Variants in ABCC1 observed in about 807,000 individuals in gnomAD.
The protein encoded by ABCC1 is ATP binding cassette subfamily C member 1 (ABCC1 blood group).
A neutral mutation model predicts 172.9 loss-of-function variants in ABCC1; 83 were observed. The ratio of observed to expected loss-of-function variants is 0.48; its 90% CI spans 0.40 to 0.58. The LOEUF (loss-of-function observed/expected upper bound fraction) is 0.58. Among genes scored for constraint, ABCC1 ranks in the 20% least tolerant of loss-of-function variants. The pLI is 0.00. For synonymous variants in ABCC1, 937 were observed against 825.2 expected (o/e 1.14, Z -2.32); for missense variants, 1,817 against 2,002.7 (o/e 0.91, Z 1.77).
At chr16:16,059,352 A>C (rs763824513) in intron 12 of ABCC1, among the ~76,000 whole-genome samples, 27 of 152,178 alleles carry the variant, frequency 1.8e-4, no homozygotes, top group Non-Finnish European at 2.2e-4. Context: ...CACAAATACC[A>C]GTCTCTTCCA....
chr16:15,974,647 A>G (rs2046444115), intron 1 of ABCC1, among the ~76,000 whole-genome samples: 1 of 152,156 alleles, frequency 6.6e-6, no homozygotes, highest in South Asian at 2.1e-4. Flanking sequence ...CCAGTTTCAG[A>G]GATGTTAGGA....
intron 29 of ABCC1, among the ~76,000 whole-genome samples, chr16:16,138,090 C>T (rs2045985149): frequency 6.6e-6 from 1 of 152,038 alleles, no homozygotes; most frequent in Admixed American, 6.6e-5. Flanking sequence ...TTCCTGGCTT[C>T]AAGCTATCCT....
At chr16:16,021,672 G>T (rs45568838) in intron 5 of ABCC1, among the ~76,000 whole-genome samples, 1 of 152,072 alleles carries the variant, frequency 6.6e-6, no homozygotes, top group African/African-American at 2.4e-5. Flanking sequence ...AGCTGAGATC[G>T]CTCCAGTCTG....
intron 1 of ABCC1, among the ~76,000 whole-genome samples, chr16:15,977,402 ATTTATT>A (rs2046518556): frequency 6.6e-6 from 1 of 151,784 alleles, no homozygotes; most frequent in African/African-American, 2.4e-5. Flanking sequence ...ATTTATTATT[ATTTATT>A]TTTATTTTTA....
intron 26 of ABCC1, among the ~76,000 whole-genome samples, chr16:16,127,301 G>C (rs545250424): frequency 7.9e-5 from 12 of 152,248 alleles, no homozygotes; most frequent in African/African-American, 2.6e-4. Flanking sequence ...CTGCCTCCCA[G>C]GCTCAAGTGA....
chr16:16,048,011 C>T (rs937672490), intron 9 of ABCC1, 131 bp from the exon 10 acceptor site: 10 of 1,178,988 alleles, frequency 8.5e-6, no homozygotes, highest in Middle Eastern at 2.9e-4. Flanking sequence ...ACAGATAGGT[C>T]GGGAGGGGAG....
rs61396501 is a variant in ABCC1, at chr16:15,984,448, C to CGTTTTTTTTT, written c.49-23368_49-23367insGTTTTTTTTT. Among the ~76,000 whole-genome samples, 28 of 146,948 alleles carry CGTTTTTTTTT rather than the reference C, an allele frequency of 1.9e-4. 9 individuals are homozygous for CGTTTTTTTTT. The highest frequency in any genetic ancestry group is 3.0e-4 in the Non-Finnish European group (20 of 66,862). ...TTTTTATTGTTTACCTTGATATATACTTTTTTTTTTTTTGAGATAGAGTCT... is the reference window on the plus strand; with the variant it reads ...TTTTTATTGTTTACCTTGATATATACGTTTTTTTTTTTTTTTTTTTTTTGAGATAGAGTCT... On this transcript the variant is annotated intron_variant, in intron 1 of 30. Transcript: ENST00000399410.
chr16:16,030,247 G>A (rs1029195673), intron 5 of ABCC1, among the ~76,000 whole-genome samples: 1 of 152,108 alleles, frequency 6.6e-6, no homozygotes, highest in Non-Finnish European at 1.5e-5. Flanking sequence ...GTAAGGCTGG[G>A]CGCAGTGGCT....
rs147024128 is a variant in ABCC1, at chr16:16,111,003, G to A, written c.2872-372G>A. On this transcript the variant is annotated intron_variant, in intron 21 of 30. Transcript: ENST00000399410. The stretch of plus-strand genomic sequence containing the variant: ...GCTTCTACCTCTGCCTCCTGGGTTC[G>A]AGGAATTCTGCCTCGGCCTTCCAAT... Among the ~76,000 whole-genome samples, 349 of 152,112 alleles carry A rather than the reference G, an allele frequency of 2.3e-3. 2 individuals carry two copies. Among genetic ancestry groups the A allele is most frequent in the African/African-American group, 7.5e-3 (311 of 41,522 alleles).
chr16:16,000,579 C>T (rs1310921920), intron 1 of ABCC1, among the ~76,000 whole-genome samples: 2 of 152,088 alleles, frequency 1.3e-5, no homozygotes, highest in Non-Finnish European at 2.9e-5. Context: ...TAGCTAGTCT[C>T]TACCTGGATG....
chr16:16,022,391 C>T (rs978301893), intron 5 of ABCC1, among the ~76,000 whole-genome samples: 7 of 152,098 alleles, frequency 4.6e-5, no homozygotes, highest in African/African-American at 7.2e-5. Context: ...CCGGCCGGTC[C>T]CCAGTCTCCT....
At chr16:15,951,216 C>T (rs2151468075) in intron 1 of ABCC1, among the ~76,000 whole-genome samples, 1 of 152,156 alleles carries the variant, frequency 6.6e-6, no homozygotes, top group South Asian at 2.1e-4. Flanking sequence ...AGAATATTCT[C>T]TTGTTTATTT....
chr16:16,093,803 T>C (rs903712489), intron 19 of ABCC1, among the ~76,000 whole-genome samples: 1 of 152,272 alleles, frequency 6.6e-6, no homozygotes, highest in African/African-American at 2.4e-5. Context: ...AGCTCTTTTT[T>C]TTAGAACACC....
chr16:16,090,313 G>A (rs557036005), intron 18 of ABCC1, 92 bp from the exon 19 acceptor site: 11 of 1,356,660 alleles, frequency 8.1e-6, no homozygotes, highest in African/African-American at 4.4e-5. Context: ...CCAGGTGTTC[G>A]TCGGCTCATT....
chr16:15,969,419 C>T (rs2046319464), intron 1 of ABCC1, among the ~76,000 whole-genome samples: 1 of 145,026 alleles, frequency 6.9e-6, no homozygotes, highest in Non-Finnish European at 1.5e-5. Flanking sequence ...GTTGCCCAGA[C>T]TGGAGTGCAG....
intron 19 of ABCC1, chr16:16,094,412 G>GA (rs1250448171): frequency 5.0e-6 from 1 of 200,752 alleles, no homozygotes; most frequent in Non-Finnish European, 1.0e-5. Flanking sequence ...TATAATGTCA[G>GA]AATGGTACAT....
At chr16:16,073,475 G>A (rs1420172470) in intron 14 of ABCC1, among the ~76,000 whole-genome samples, 1 of 152,186 alleles carries the variant, frequency 6.6e-6, no homozygotes, top group Non-Finnish European at 1.5e-5. Flanking sequence ...GAAAAAGTGA[G>A]GCACAGGCTG....
At chr16:16,059,209 C>T (rs181813534) in intron 12 of ABCC1, among the ~76,000 whole-genome samples, 9 of 152,266 alleles carry the variant, frequency 5.9e-5, no homozygotes, top group East Asian at 3.9e-4. Flanking sequence ...TCCACTGAAA[C>T]GGAATCTGAG....
chr16:15,975,004 C>G (rs910300485), intron 1 of ABCC1, among the ~76,000 whole-genome samples: 5 of 152,050 alleles, frequency 3.3e-5, no homozygotes, highest in African/African-American at 1.2e-4. Context: ...CCAGGTTGGT[C>G]TTGAATGCCT....
Sources: allele counts gnomAD v4.1 joint callset (sites outside exome capture counted in the v4.1 genomes callset), GRCh38; gene constraint gnomAD v4.1.1; transcripts MANE v1.5; gene names NCBI Gene and HGNC (gene_info 2026-07-23, HGNC 2026-07-21).